The following BRINP3 variants were observed in gnomAD, a reference collection of about 807,000 sequenced individuals.
The protein encoded by BRINP3 is BMP/retinoic acid-inducible neural-specific protein 3.
A neutral mutation model predicts 71.0 loss-of-function variants in BRINP3; 19 were observed. That is an observed-to-expected ratio of 0.27 (90% confidence interval 0.19 to 0.39). The LOEUF (loss-of-function observed/expected upper bound fraction) is 0.39. BRINP3 is among the 10% of genes least tolerant of loss of function. The pLI, the probability that BRINP3 is intolerant of heterozygous loss-of-function variation, is 1.00. For missense variants in BRINP3, 959 were observed against 940.8 expected (o/e 1.02, Z -0.25); for synonymous variants, 380 against 337.7 (o/e 1.13, Z -1.37).
chr1:190,360,702 TG>T (rs1206594455), intron 2 of BRINP3, among the ~76,000 whole-genome samples: 2 of 152,144 alleles, frequency 1.3e-5, no homozygotes, highest in Non-Finnish European at 2.9e-5. Context: ...GTTGCCTTGG[TG>T]GAAAACATGT....
intron 7 of BRINP3, among the ~76,000 whole-genome samples, chr1:190,124,406 G>T (rs1237349898): frequency 6.6e-6 from 1 of 152,066 alleles, no homozygotes. Context: ...GTTAATAGCA[G>T]CACAAAACAG....
chr1:190,407,566 A>G (rs1431483306), intron 2 of BRINP3, among the ~76,000 whole-genome samples: 1 of 152,222 alleles, frequency 6.6e-6, no homozygotes. Flanking sequence ...GAAAGAATCA[A>G]CATTCAAGAA....
chr1:190,323,640 G>A (rs1325035126), intron 2 of BRINP3, among the ~76,000 whole-genome samples: 1 of 150,882 alleles, frequency 6.6e-6, no homozygotes. Flanking sequence ...TTGCATTAAG[G>A]CTGCTTATTT....
At chr1:190,168,862 G>C (rs542170607) in intron 6 of BRINP3, among the ~76,000 whole-genome samples, 1 of 152,230 alleles carries the variant, frequency 6.6e-6, no homozygotes, top group African/African-American at 2.4e-5. Flanking sequence ...CTTGGCACTG[G>C]GGATAATGCT....
intron 2 of BRINP3, among the ~76,000 whole-genome samples, chr1:190,343,178 G>T (rs1353610736): frequency 6.6e-6 from 1 of 151,676 alleles, no homozygotes; most frequent in Non-Finnish European, 1.5e-5. Flanking sequence ...AACCACCCAG[G>T]GTTAGATTTT....
intron 7 of BRINP3, among the ~76,000 whole-genome samples, chr1:190,137,013 G>A (rs553665627): frequency 4.1e-4 from 63 of 152,164 alleles, no homozygotes; most frequent in African/African-American, 1.5e-3. Flanking sequence ...ACAATATCTG[G>A]ATGAGTAGGT....
chr1:190,203,941 C>A (rs932183567), intron 6 of BRINP3, among the ~76,000 whole-genome samples: 3 of 149,858 alleles, frequency 2.0e-5, no homozygotes, highest in Non-Finnish European at 4.5e-5. Flanking sequence ...TCAGAAAGAC[C>A]ATATATATTG....
In BRINP3 at chr1:190,242,116, C is replaced by T. The variant is rs1021100613; in HGVS notation, c.619-7639G>A. Among the ~76,000 whole-genome samples the T allele has an allele frequency of 3.3e-5, 5 of 151,728 alleles. No homozygotes were observed. The South Asian group carries it at 6.2e-4, about 19-fold the overall frequency. On this transcript the variant is annotated intron_variant, in intron 4 of 7. Coordinates refer to ENST00000367462, the MANE Select transcript of BRINP3 (RefSeq NM_199051.3). ...TTTTAGTAAAAAATGAATTTTCAAA[C>T]ATATTATTAATTATAAGATGCATTA...
chr1:190,276,525 C>A (rs1227969012), intron 3 of BRINP3, among the ~76,000 whole-genome samples: 1 of 150,972 alleles, frequency 6.6e-6, no homozygotes, highest in Non-Finnish European at 1.5e-5. Context: ...TTGTATCTTA[C>A]TAACTTCTGA....
At chr1:190,135,779 T>C (rs1027171714) in intron 7 of BRINP3, among the ~76,000 whole-genome samples, 2 of 152,052 alleles carry the variant, frequency 1.3e-5, no homozygotes, top group African/African-American at 4.8e-5. Context: ...ATTCTTCATA[T>C]TATCTGAATA....
rs1159082342 is a variant in BRINP3, at chr1:190,247,401, G to A, written c.619-12924C>T. 2.0e-5 allele frequency among the ~76,000 whole-genome samples: 3 copies of A among 151,982 alleles called. No homozygotes were observed. The East Asian group carries it at 5.8e-4, about 29-fold the overall frequency. On this transcript the variant is annotated intron_variant, in intron 4 of 7. Transcript: ENST00000367462. ...TTAGTCAACATTATGGTAACAATGT[G>A]CCAGTATTCCTAGCTATCAGAAATG...
intron 6 of BRINP3, among the ~76,000 whole-genome samples, chr1:190,189,294 A>T (rs141005142): frequency 6.6e-6 from 1 of 151,982 alleles, no homozygotes; most frequent in East Asian, 1.9e-4. Context: ...TGGACAGGAG[A>T]CTTTTTATTT....
intron 5 of BRINP3, among the ~76,000 whole-genome samples, chr1:190,228,448 C>A (rs1431022524): frequency 6.6e-6 from 1 of 151,352 alleles, no homozygotes; most frequent in Non-Finnish European, 1.5e-5. Context: ...TGCATTACAA[C>A]GTTGAATCTG....
chr1:190,243,964 T>C (rs1278244321), intron 4 of BRINP3, among the ~76,000 whole-genome samples: 4 of 152,146 alleles, frequency 2.6e-5, no homozygotes, highest in Non-Finnish European at 5.9e-5. Context: ...CCTTTAATTG[T>C]CACTGTCTCT....
intron 2 of BRINP3, among the ~76,000 whole-genome samples, chr1:190,285,263 C>G (rs1172418007): frequency 6.6e-6 from 1 of 151,964 alleles, no homozygotes; most frequent in East Asian, 1.9e-4. Context: ...CCCTTTTTCC[C>G]GAATACAAGA....
At chr1:190,101,263 C>T (rs1309840725) in intron 7 of BRINP3, among the ~76,000 whole-genome samples, 1 of 151,968 alleles carries the variant, frequency 6.6e-6, no homozygotes, top group Non-Finnish European at 1.5e-5. Context: ...AAAAGTATGC[C>T]CAGTGTGTTG....
intron 7 of BRINP3, among the ~76,000 whole-genome samples, chr1:190,136,951 A>C (rs1655022914): frequency 1.3e-5 from 2 of 152,034 alleles, no homozygotes; most frequent in African/African-American, 4.8e-5. Flanking sequence ...TAAAATGCTT[A>C]TTTAAAAGCT....
At chr1:190,466,754 A>G (rs1676779915) in intron 1 of BRINP3, among the ~76,000 whole-genome samples, 1 of 151,632 alleles carries the variant, frequency 6.6e-6, no homozygotes, top group Non-Finnish European at 1.5e-5. Flanking sequence ...TTTATACACT[A>G]ATATCTCTGT....
rs377549714 is a variant in BRINP3, at chr1:190,214,737, C to A, written c.961+11345G>T. ...GAAGAAGACATAGCAAAACTCACAG[C>A]AAACTTACAAGGAACAAATTAGGAA... On this transcript the variant is annotated intron_variant, in intron 6 of 7. Transcript: ENST00000367462. Among the ~76,000 whole-genome samples the A allele has an allele frequency of 2.6e-5, 4 of 152,048 alleles. No individual in the cohort carries two copies. In the East Asian group the frequency reaches 5.8e-4, roughly 22 times the overall value.
Sources: allele counts gnomAD v4.1 joint callset (sites outside exome capture counted in the v4.1 genomes callset), GRCh38; gene constraint gnomAD v4.1.1; transcripts MANE v1.5; gene names NCBI Gene and HGNC (gene_info 2026-07-23, HGNC 2026-07-21).